CCDC7: variants seen among roughly 807,000 people sequenced by gnomAD.
The protein encoded by CCDC7 is coiled-coil domain containing 7.
In CCDC7, 183 loss-of-function variants were observed where a neutral mutation model predicts 196.9. That is an observed-to-expected ratio of 0.93 (90% CI 0.82 to 1.05). The LOEUF (loss-of-function observed/expected upper bound fraction) is 1.05. Among genes scored for constraint, CCDC7 ranks in the 50% least tolerant of loss-of-function variants. CCDC7 has a pLI of 0.00. For synonymous variants in CCDC7, 525 were observed against 484.6 expected (o/e 1.08, Z -1.10); for missense variants, 1,540 against 1,482.2 (o/e 1.04, Z -0.64).
chr10:32,844,397 A>T (rs940725930), intron 33 of CCDC7, among the ~76,000 whole-genome samples: 1 of 151,936 alleles, frequency 6.6e-6, no homozygotes, highest in Non-Finnish European at 1.5e-5. Context: ...TTTCTACATT[A>T]TTGATACATA....
At chr10:32,688,461 C>T (rs183556434) in intron 22 of CCDC7, among the ~76,000 whole-genome samples, 1 of 152,000 alleles carries the variant, frequency 6.6e-6, no homozygotes, top group South Asian at 2.1e-4. Flanking sequence ...AGATAGATAT[C>T]TCCCCATATT....
chr10:32,689,335 C>T (rs572680391), intron 23 of CCDC7, among the ~76,000 whole-genome samples, 172 bp downstream of exon 24: 1 of 152,098 alleles, frequency 6.6e-6, no homozygotes, highest in East Asian at 1.9e-4. Flanking sequence ...GATTTCTGGC[C>T]CTTAGATTAT....
chr10:32,872,696 T>G (rs2094471944), intron 41 of CCDC7, among the ~76,000 whole-genome samples: 1 of 152,076 alleles, frequency 6.6e-6, no homozygotes, highest in Non-Finnish European at 1.5e-5. Flanking sequence ...CTTTCCATGT[T>G]TAGTGCTTCC....
chr10:32,704,018 C>G (rs1186299037), intron 24 of CCDC7, among the ~76,000 whole-genome samples: 3 of 152,162 alleles, frequency 2.0e-5, no homozygotes, highest in Non-Finnish European at 4.4e-5. Context: ...CTCAACTCGT[C>G]AAAGTCATTC....
chr10:32,801,472 A>G (rs2084776191), intron 29 of CCDC7, among the ~76,000 whole-genome samples: 1 of 152,230 alleles, frequency 6.6e-6, no homozygotes, highest in Non-Finnish European at 1.5e-5. Context: ...AAATCAATAA[A>G]TTAAGCCTGT....
At chr10:32,495,013 AGTGT>A (rs1384179096) in intron 9 of CCDC7, among the ~76,000 whole-genome samples, 2 of 152,208 alleles carry the variant, frequency 1.3e-5, no homozygotes, top group African/African-American at 4.8e-5. Flanking sequence ...TCCCACCAAC[AGTGT>A]AAAAGTGTTC....
chr10:32,505,499 A>G (rs1297036442), intron 9 of CCDC7, among the ~76,000 whole-genome samples: 3 of 152,160 alleles, frequency 2.0e-5, no homozygotes, highest in Non-Finnish European at 4.4e-5. Flanking sequence ...GGTTGGGGGT[A>G]AGGTTATAGA....
chr10:32,509,628 G>A (rs2045792450), intron 9 of CCDC7, among the ~76,000 whole-genome samples: 1 of 151,898 alleles, frequency 6.6e-6, no homozygotes, highest in Non-Finnish European at 1.5e-5. Flanking sequence ...ACTATGGAAT[G>A]GGAGAAAATA....
chr10:32,659,303 G>T lies in CCDC7; in HGVS notation c.2015-4751G>T, dbSNP rs547898410. Among the ~76,000 whole-genome samples, 91 of 152,214 alleles carry T rather than the reference G, an allele frequency of 6.0e-4. 3 individuals are homozygous for T. In the South Asian group the frequency reaches 0.019, roughly 31 times the overall value. Reference sequence around the variant, plus strand: ...TCTCATTGACTCATTGGTTATCCAGGAGTGTGCCACTAAATTTTCCCACAT... The same window carrying T: ...TCTCATTGACTCATTGGTTATCCAGTAGTGTGCCACTAAATTTTCCCACAT... On this transcript the variant is annotated intron_variant, in intron 20 of 41. Transcript: ENST00000639629.
At chr10:32,734,797 T>G (rs1408766449) in intron 28 of CCDC7, among the ~76,000 whole-genome samples, 1 of 151,936 alleles carries the variant, frequency 6.6e-6, no homozygotes, top group Admixed American at 6.6e-5. Context: ...CTTGGGAGGG[T>G]GAGGCAGGAG....
rs749124265 is a variant in CCDC7 at position 32,456,338 on chromosome 10, T to G, written c.456+4T>G. The stretch of plus-strand genomic sequence containing the variant: ...AGCACTTAAAGAAGAACAAAATGTA[T>G]GTATTCTGTATATACTGTCAAGTAT... On this transcript the variant is annotated splice_donor_region_variant and intron_variant, in intron 3 of 41. Transcript: ENST00000639629. 9 of 1,556,246 alleles carry G rather than the reference T, an allele frequency of 5.8e-6. No homozygotes were observed. Among genetic ancestry groups the G allele is most frequent in the Non-Finnish European group, 7.0e-6 (8 of 1,141,074 alleles).
At chr10:32,585,325 G>A (rs1195261877) in intron 18 of CCDC7, among the ~76,000 whole-genome samples, 1 of 152,088 alleles carries the variant, frequency 6.6e-6, no homozygotes, top group Non-Finnish European at 1.5e-5. Context: ...CGCCCGCCTT[G>A]GCCTCCCAAA....
chr10:32,499,461 A>G (rs1358608984), intron 9 of CCDC7: 1 of 152,074 alleles, frequency 6.6e-6, no homozygotes, highest in Non-Finnish European at 1.5e-5. Context: ...TTGTTTGGTT[A>G]ATTTATTGGG....
intron 24 of CCDC7, among the ~76,000 whole-genome samples, chr10:32,709,113 C>G (rs1408192427): frequency 1.3e-5 from 2 of 152,054 alleles, no homozygotes; most frequent in Non-Finnish European, 2.9e-5. Context: ...AAATGTGGCA[C>G]ATATACACCA....
upstream of CCDC7, chr10:32,451,499 C>A (rs963794674): frequency 2.0e-5 from 24 of 1,223,508 alleles, no homozygotes; most frequent in Admixed American, 3.3e-5. Context: ...GTACTCTGAG[C>A]AAATTGCTAA....
chr10:32,559,230 A>C (rs1394707351), intron 13 of CCDC7, among the ~76,000 whole-genome samples: 1 of 152,164 alleles, frequency 6.6e-6, no homozygotes, highest in Non-Finnish European at 1.5e-5. Flanking sequence ...TGTAGGCTCC[A>C]CCTCTGGGGG....
At position 32,559,601 on chromosome 10, in the gene CCDC7, A is replaced by G. The variant is rs573027761; in HGVS notation, c.1135-5957A>G. On this transcript the variant is annotated intron_variant, in intron 13 of 41. Coordinates refer to ENST00000639629, the Ensembl canonical transcript of CCDC7. ...CTCTAGCAAACTCCAACAGACCTGC[A>G]GCTGAGGGTCCTGTCTGTTAGAAGG... Among the ~76,000 whole-genome samples the G allele has an allele frequency of 4.6e-5, 7 of 152,382 alleles. No individual in the cohort carries two copies. In the South Asian group the frequency reaches 1.4e-3, roughly 32 times the overall value.
intron 13 of CCDC7, among the ~76,000 whole-genome samples, chr10:32,554,202 G>C (rs544985786): frequency 6.6e-6 from 1 of 152,358 alleles, no homozygotes; most frequent in South Asian, 2.1e-4. Context: ...TTTCCAGACG[G>C]TGGGCGAGTT....
At chr10:32,602,577 C>T (rs1201728817) in intron 18 of CCDC7, among the ~76,000 whole-genome samples, 1 of 152,020 alleles carries the variant, frequency 6.6e-6, no homozygotes, top group Non-Finnish European at 1.5e-5. Context: ...ATTTTTCCAC[C>T]TATGCTTAAT....
Sources: allele counts gnomAD v4.1 joint callset (sites outside exome capture counted in the v4.1 genomes callset), GRCh38; gene constraint gnomAD v4.1.1; transcripts MANE v1.5; gene names NCBI Gene and HGNC (gene_info 2026-07-23, HGNC 2026-07-21).